Variants in PADI2 observed in about 807,000 individuals in gnomAD.
The protein encoded by PADI2 is protein-arginine deiminase type-2.
Under a neutral mutation model 81.1 loss-of-function variants are expected in PADI2, and 70 were observed. The observed-to-expected ratio is 0.86, with a 90% confidence interval of 0.71 to 1.05. PADI2 has a LOEUF of 1.05. Ranked by LOEUF, PADI2 falls within the 50% of genes least tolerant of loss-of-function variation. PADI2 has a pLI of 0.00. For synonymous variants in PADI2, 338 were observed against 358.0 expected, an observed-to-expected ratio of 0.94 and a Z score of 0.63; for missense variants, 853 against 889.9, an observed-to-expected ratio of 0.96 and a Z score of 0.53.
At chr1:17,103,814 TAA>T (rs11378857) in intron 2 of PADI2, among the ~76,000 whole-genome samples, 11 of 130,722 alleles carry the variant, frequency 8.4e-5, no homozygotes, top group Admixed American at 7.7e-5. Context: ...GACCTGTCTC[TAA>T]AAAAAAAAAA....
In PADI2 at chr1:17,119,424, G is replaced by T; in HGVS notation, c.-53C>A. On this transcript the variant is annotated 5_prime_UTR_variant, in exon 1 of 16. Transcript: ENST00000375486. This position sits in a 1 kb window ranked among gnomAD's most constrained non-coding sequence, Gnocchi z 4.8. Reference sequence around the variant, plus strand: ...TGGTCCGGGGCGGCCGGGAGCACCTGCAGCAGGTGCGCCTTCTCCAGCAGC... The same window carrying T: ...TGGTCCGGGGCGGCCGGGAGCACCTTCAGCAGGTGCGCCTTCTCCAGCAGC... The T allele has an allele frequency of 7.4e-7, 1 of 1,355,048 alleles. No individual in the cohort carries two copies. The highest frequency in any genetic ancestry group is 1.0e-6 in the Non-Finnish European group (1 of 995,658). 83.9% of individuals were successfully genotyped at this position (1,355,048 alleles called of 1,614,324 possible).
At chr1:17,086,870 C>G (rs923885434) in intron 6 of PADI2, among the ~76,000 whole-genome samples, 171 bp from the exon 7 acceptor site, 1 of 152,220 alleles carries the variant, frequency 6.6e-6, no homozygotes, top group Non-Finnish European at 1.5e-5. Context: ...GTCATTGTCT[C>G]AGCACTGCTG....
chr1:17,069,388 G>T, intron 15 of PADI2, 111 bp from the exon 16 acceptor site: 1 of 805,814 alleles, frequency 1.2e-6, no homozygotes. Flanking sequence ...AGTAGTAACT[G>T]TGATTGGATA....
At chr1:17,080,827 T>C (rs2078338810) in intron 10 of PADI2, among the ~76,000 whole-genome samples, 1 of 152,236 alleles carries the variant, frequency 6.6e-6, no homozygotes, top group Admixed American at 6.5e-5. Flanking sequence ...GAAGCTTGCC[T>C]TACAAAATCC....
chr1:17,086,674 G>A lies in PADI2; in HGVS notation c.681C>T (p.Ile227=). The part of the protein sequence containing the change: ...VENPFFGQRY[I]HILGRRKLYH... ...AGAGCTTCCGCCGGCCCAGGATGTG[G>A]ATATAGCGTTGGCCGAAGAACGGGT... Residue 227 remains isoleucine (I), a synonymous_variant, in exon 7 of 16, where the codon ATC becomes ATT. Coordinates refer to ENST00000375486, the MANE Select transcript of PADI2 (RefSeq NM_007365.3). 1 of 1,614,044 alleles carries A rather than the reference G, an allele frequency of 6.2e-7. No homozygotes were observed. Among genetic ancestry groups the A allele is most frequent in the Non-Finnish European group, 8.5e-7 (1 of 1,180,016 alleles).
rs755312213 is a variant in PADI2 at position 17,079,341 on chromosome 1, C to T, written c.1233G>A (p.Leu411=). The part of the protein sequence containing the change: ...SVTSLDSFGN[L]EVSPPVTVNG... Reference sequence around the variant, plus strand: ...TCACGGTCACTGGGGGACTGACCTCCAGGTTTCCAAATGAGTCAAGGCTGG... The same window carrying T: ...TCACGGTCACTGGGGGACTGACCTCTAGGTTTCCAAATGAGTCAAGGCTGG... Residue 411 remains leucine (L), a synonymous_variant, in exon 11 of 16, where the codon CTG becomes CTA. Coordinates refer to ENST00000375486, the MANE Select transcript of PADI2 (RefSeq NM_007365.3). 4 of 1,613,998 alleles carry T rather than the reference C, an allele frequency of 2.5e-6. No homozygotes were observed. The highest frequency in any genetic ancestry group is 3.4e-6 in the Non-Finnish European group (4 of 1,179,990).
chr1:17,095,503 C>T (rs542258008), intron 4 of PADI2, among the ~76,000 whole-genome samples: 1 of 152,296 alleles, frequency 6.6e-6, no homozygotes, highest in East Asian at 1.9e-4. Flanking sequence ...CATGCACCAG[C>T]AGAGATAATA....
intron 3 of PADI2, among the ~76,000 whole-genome samples, chr1:17,100,446 G>T (rs868415019): frequency 1.3e-5 from 2 of 148,450 alleles, no homozygotes; most frequent in Non-Finnish European, 3.0e-5. Flanking sequence ...CACCATGCCC[G>T]GCTAGTTTTT....
rs1488313075 is a variant in PADI2 at position 17,067,646 on chromosome 1, G to A, written c.*1398C>T. 1.3e-5 allele frequency: 2 copies of A among 152,236 alleles called. No homozygotes were observed. Among genetic ancestry groups the A allele is most frequent in the Non-Finnish European group, 2.9e-5 (2 of 68,064 alleles). The allele number at this position is 152,236 out of a possible 1,614,324, so 9.4% of individuals were successfully genotyped here. A position where few individuals can be genotyped will look rare whatever the true frequency, so the allele number is the denominator to read the frequency against. On this transcript the variant is annotated 3_prime_UTR_variant, in exon 16 of 16. Coordinates refer to ENST00000375486, the MANE Select transcript of PADI2 (RefSeq NM_007365.3). ...GGGAGTGATGGGTTCCATGCCAGTA[G>A]GGACCAGGTCCAGACTGCTACTAAC...
chr1:17,095,292 T>C (rs1243867880), intron 4 of PADI2, among the ~76,000 whole-genome samples: 1 of 152,140 alleles, frequency 6.6e-6, no homozygotes, highest in Non-Finnish European at 1.5e-5. Context: ...TAAAAATACA[T>C]GCACACCAAC....
chr1:17,087,914 C>G (rs539789965), intron 6 of PADI2, among the ~76,000 whole-genome samples: 4 of 152,222 alleles, frequency 2.6e-5, no homozygotes, highest in African/African-American at 7.2e-5. Flanking sequence ...GTCTACTGAA[C>G]GAACCAATGA....
rs10157828 is a variant in PADI2, at chr1:17,068,118, T to C, written c.*926A>G. On this transcript the variant is annotated 3_prime_UTR_variant, in exon 16 of 16. Coordinates refer to ENST00000375486, the MANE Select transcript of PADI2 (RefSeq NM_007365.3). ...TTATGCCCCTGGGAAGGCCTGAATC[T>C]GGCTGCTGGCGAACAAGTTCTTGTC... is the stretch of plus-strand genomic sequence containing the variant. 131,372 of 152,462 alleles carry C rather than the reference T, an allele frequency of 0.86. 57,059 individuals carry two copies. The highest frequency in any genetic ancestry group is 0.98 in the East Asian group (5,099 of 5,180). 9.4% of individuals were successfully genotyped at this position (152,462 alleles called of 1,614,324 possible).
intron 11 of PADI2, 91 bp from the exon 12 acceptor site, chr1:17,075,914 C>T (rs2101574913): frequency 8.1e-7 from 1 of 1,240,540 alleles, no homozygotes; most frequent in East Asian, 2.3e-5. Context: ...CCACCTCGGA[C>T]CCAGAGTGAC....
chr1:17,084,110 A>C (rs1274308818), intron 8 of PADI2, among the ~76,000 whole-genome samples: 3 of 152,204 alleles, frequency 2.0e-5, no homozygotes, highest in African/African-American at 4.8e-5. Context: ...CTCTGACTCC[A>C]CAGATTTTCA....
rs1020771272 is a variant in PADI2 at position 17,094,692 on chromosome 1, T to C, written c.412-1008A>G. 3.3e-5 allele frequency among the ~76,000 whole-genome samples: 5 copies of C among 152,222 alleles called. No individual in the cohort carries two copies. In the East Asian group the frequency reaches 5.8e-4, roughly 18 times the overall value. On this transcript the variant is annotated intron_variant, in intron 4 of 15. Transcript: ENST00000375486. ...ATAAAAGATGCTCAGCAAATATTTA[T>C]GGGATGAGTGAAGAAAATGTGAAAA...
intron 1 of PADI2, among the ~76,000 whole-genome samples, chr1:17,107,807 T>C (rs1329712448): frequency 1.3e-5 from 2 of 152,160 alleles, no homozygotes; most frequent in Admixed American, 6.5e-5. Context: ...TGGCCAGTGC[T>C]GGGAGAGGAG....
chr1:17,077,288 C>A (rs1288957492), intron 11 of PADI2, among the ~76,000 whole-genome samples: 1 of 152,188 alleles, frequency 6.6e-6, no homozygotes, highest in Non-Finnish European at 1.5e-5. Context: ...TTACTTGATT[C>A]CATGTTTATT....
chr1:17,086,433 G>T, intron 7 of PADI2, 88 bp downstream of exon 7: 2 of 1,134,666 alleles, frequency 1.8e-6, no homozygotes, highest in Non-Finnish European at 1.2e-6. Flanking sequence ...TGAGCAGGGT[G>T]GAGCATAGCA....
intron 7 of PADI2, among the ~76,000 whole-genome samples, chr1:17,085,678 C>T (rs976086338): frequency 3.3e-5 from 5 of 152,168 alleles, no homozygotes; most frequent in African/African-American, 9.7e-5. Flanking sequence ...CCTAGTGTCT[C>T]GTGGTGGTTA....
Sources: gnomAD v4.1 joint callset for allele counts (sites outside exome capture counted in the v4.1 genomes callset) on GRCh38, gnomAD v4.1.1 for gene constraint, Gnocchi (gnomAD v3.1) non-coding constraint, MANE v1.5 for transcripts, NCBI Gene and HGNC (gene_info 2026-07-23, HGNC 2026-07-21) for gene names.